NOTCH2: variants seen among roughly 807,000 people sequenced by gnomAD.
NOTCH2 encodes the protein neurogenic locus notch homolog protein 2.
Under a neutral mutation model 235.8 loss-of-function variants are expected in NOTCH2, and 29 were observed. The observed-to-expected ratio is 0.12, with a 90% CI of 0.09 to 0.17. NOTCH2 has a LOEUF of 0.17. Ranked by LOEUF, NOTCH2 falls within the 10% of genes least tolerant of loss-of-function variation. The pLI is 1.00. For synonymous variants in NOTCH2, 1,086 were observed against 1,141.5 expected (o/e 0.95, Z 0.98); for missense variants, 2,285 against 3,150.2 (o/e 0.73, Z 6.57).
chr1:120,048,780 G>A (rs1553214046), intron 1 of NOTCH2, among the ~76,000 whole-genome samples: 1 of 81,768 alleles, frequency 1.2e-5, no homozygotes, highest in African/African-American at 5.5e-5. Flanking sequence ...GCATAATCTT[G>A]GGTAAACTAC....
Position 119,920,526 on chromosome 1 carries a change from T to G in NOTCH2, c.5311-129A>C, listed in dbSNP as rs964473725. The G allele has an allele frequency of 5.9e-6, 6 of 1,017,114 alleles. No individual in the cohort carries two copies. In the African/African-American group the frequency reaches 9.5e-5, roughly 16 times the overall value. The allele number at this position is 1,017,114 out of a possible 1,614,324, so 63.0% of individuals were successfully genotyped here. On this transcript the variant is annotated intron_variant, in intron 29 of 33. Transcript: ENST00000256646. ...TTCTCTCTTCCTACTCCTCCACCCC[T>G]CCAGAGGATTACCTCAGCCTTGGCT... is the stretch of plus-strand genomic sequence containing the variant.
At chr1:119,916,789 T>TCA (rs1649094494) in intron 33 of NOTCH2, 95 bp from the exon 34 acceptor site, 6 of 1,248,334 alleles carry the variant, frequency 4.8e-6, no homozygotes, top group Non-Finnish European at 6.9e-6. Flanking sequence ...CCCTTAGACA[T>TCA]GTTTTCCTAA....
Position 119,925,552 on chromosome 1 carries a change from G to A in NOTCH2, c.4264C>T (p.Pro1422Ser), listed in dbSNP as rs2101162379. ...CAATACTGGCTCAGACAGGTGGCAG[G>A]AGGGGTGCTGGGGGGTGCCGTGTAG... ...ELYTAPPSTPPATCLSQYCAD... is the reference protein window; with the variant it reads ...ELYTAPPSTPSATCLSQYCAD... Residue 1422 changes from proline (P) to serine (S), a missense_variant, in exon 25 of 34, where the codon CCT (proline) becomes TCT (serine). This residue lies in a region of NOTCH2 where 1,173 missense variants were observed against 1,515.3 expected (regional missense o/e 0.77). Transcript: ENST00000256646. 2 of 1,614,180 alleles carry A rather than the reference G, an allele frequency of 1.2e-6. No individual in the cohort carries two copies. Among genetic ancestry groups the A allele is most frequent in the East Asian group, 2.2e-5 (1 of 44,864 alleles).
intron 22 of NOTCH2, 45 bp downstream of exon 22, chr1:119,935,427 T>C: frequency 6.2e-7 from 1 of 1,614,066 alleles, no homozygotes; most frequent in Non-Finnish European, 8.5e-7. Context: ...ATTTATAACT[T>C]AAGACAATGC....
At chr1:120,063,518 A>T (rs1655393084) in intron 1 of NOTCH2, among the ~76,000 whole-genome samples, 1 of 152,216 alleles carries the variant, frequency 6.6e-6, no homozygotes, top group Admixed American at 6.5e-5. Context: ...CAGAAGTCTG[A>T]AAATGCTGGA....
chr1:119,948,062 C>T (rs1363623658), intron 17 of NOTCH2, among the ~76,000 whole-genome samples: 9 of 152,186 alleles, frequency 5.9e-5, no homozygotes, highest in Non-Finnish European at 1.2e-4. Flanking sequence ...GTGATAGTTT[C>T]ACTTACTATA....
At chr1:119,965,820 T>G in intron 9 of NOTCH2, among the ~76,000 whole-genome samples, 1 of 152,210 alleles carries the variant, frequency 6.6e-6, no homozygotes, top group East Asian at 1.9e-4. Flanking sequence ...GTGAAATTTA[T>G]AGGTGGAACC....
At chr1:119,970,302 G>A (rs587699071) in intron 5 of NOTCH2, among the ~76,000 whole-genome samples, 1 of 152,222 alleles carries the variant, frequency 6.6e-6, no homozygotes, top group Non-Finnish European at 1.5e-5. Context: ...ACAAGTATCT[G>A]AAAATAAAAA....
chr1:119,969,986 T>A (rs886306504), intron 5 of NOTCH2, among the ~76,000 whole-genome samples: 1 of 152,184 alleles, frequency 6.6e-6, no homozygotes, highest in Non-Finnish European at 1.5e-5. Context: ...AACATTAGGG[T>A]TTAGCCAACT....
intron 2 of NOTCH2, among the ~76,000 whole-genome samples, chr1:120,013,956 A>C (rs1653315224): frequency 6.6e-6 from 1 of 151,472 alleles, no homozygotes. Flanking sequence ...TTTGGAAAAT[A>C]GTCTACCACT....
chr1:120,039,074 A>G (rs1553212330), intron 1 of NOTCH2, among the ~76,000 whole-genome samples: 1 of 152,054 alleles, frequency 6.6e-6, no homozygotes, highest in Non-Finnish European at 1.5e-5. Flanking sequence ...ACTAATACAC[A>G]TCGGCAGAAC....
intron 2 of NOTCH2, among the ~76,000 whole-genome samples, chr1:120,017,902 A>C (rs1395881702): frequency 2.0e-5 from 3 of 151,654 alleles, no homozygotes; most frequent in Non-Finnish European, 4.4e-5. Flanking sequence ...AGGGACCTGG[A>C]GCCCTGACTA....
At chr1:119,956,715 C>T (rs111662188) in intron 12 of NOTCH2, among the ~76,000 whole-genome samples, 6 of 152,314 alleles carry the variant, frequency 3.9e-5, no homozygotes, top group African/African-American at 1.2e-4. Context: ...AAGGTTTCTT[C>T]ATTTTTGGTC....
Position 119,922,607 on chromosome 1 carries a change from C to T in NOTCH2, c.5002+29G>A, listed in dbSNP as rs377465654. The T allele has an allele frequency of 6.8e-6, 11 of 1,613,492 alleles. No individual in the cohort carries two copies. The African/African-American group carries it at 8.0e-5, about 12-fold the overall frequency. The stretch of plus-strand genomic sequence containing the variant: ...CCCAATTGACACTCTTCCCCCGCCA[C>T]CTTTCCCCTTTACACCAGTGCCACT... On this transcript the variant is annotated intron_variant, in intron 27 of 33. Transcript: ENST00000256646.
intron 2 of NOTCH2, among the ~76,000 whole-genome samples, chr1:120,029,033 G>A (rs1201105492): frequency 3.3e-5 from 5 of 150,712 alleles, no homozygotes; most frequent in Non-Finnish European, 7.4e-5. Flanking sequence ...ATGCTCTTAA[G>A]CCAAGAACTA....
chr1:119,920,647 A>G (rs1378516826), intron 29 of NOTCH2, among the ~76,000 whole-genome samples: 1 of 152,064 alleles, frequency 6.6e-6, no homozygotes, highest in Non-Finnish European at 1.5e-5. Flanking sequence ...TAGCCTTTAG[A>G]TCTCCAGAGC....
chr1:119,982,293 C>A (rs1651842242), intron 5 of NOTCH2, among the ~76,000 whole-genome samples: 1 of 152,212 alleles, frequency 6.6e-6, no homozygotes, highest in Non-Finnish European at 1.5e-5. Context: ...TGTCCCAGAG[C>A]ACTATTCCAA....
intron 17 of NOTCH2, among the ~76,000 whole-genome samples, chr1:119,944,275 G>A (rs1244225803): frequency 3.3e-5 from 5 of 152,102 alleles, no homozygotes; most frequent in South Asian, 2.1e-4. Context: ...GGTGGCTCAC[G>A]CTGTAATCCC....
intron 28 of NOTCH2, 109 bp downstream of exon 28, chr1:119,922,127 T>C: frequency 2.5e-6 from 3 of 1,222,474 alleles, no homozygotes; most frequent in Non-Finnish European, 3.6e-6. Flanking sequence ...ATGGTCAATG[T>C]GAGTAAATGC....
Sources: gnomAD v4.1 joint callset for allele counts (sites outside exome capture counted in the v4.1 genomes callset) on GRCh38, gnomAD v4.1.1 for gene constraint, gnomAD v4.1.1 regional missense constraint, MANE v1.5 for transcripts, NCBI Gene and HGNC (gene_info 2026-07-23, HGNC 2026-07-21) for gene names.